Variants in CTNNA3 observed in about 807,000 individuals in gnomAD.
The protein encoded by CTNNA3 is catenin alpha-3.
A neutral mutation model predicts 95.7 loss-of-function variants in CTNNA3; 76 were observed. The observed-to-expected ratio is 0.79, with a 90% confidence interval of 0.66 to 0.96. CTNNA3 has a LOEUF of 0.96. Ranked by LOEUF, CTNNA3 falls within the 40% of genes least tolerant of loss-of-function variation. CTNNA3 has a pLI of 0.00. For missense variants in CTNNA3, 1,191 were observed against 1,089.8 expected (o/e 1.09, Z -1.31); for synonymous variants, 431 against 374.4 (o/e 1.15, Z -1.74).
rs149618316 is a variant in CTNNA3, at chr10:67,041,992, T to C, written c.1047+138325A>G. On this transcript the variant is annotated intron_variant, in intron 7 of 17. Coordinates refer to ENST00000433211, the MANE Select transcript of CTNNA3 (RefSeq NM_013266.4). ...GGGCATATATAGTAGTTTGATAAAA[T>C]TGAAGTAACCTTAAAGTACGTGTGA... Among the ~76,000 whole-genome samples the C allele has an allele frequency of 5.3e-3, 811 of 152,104 alleles. 7 individuals are homozygous for C. Among genetic ancestry groups the C allele is most frequent in the African/African-American group, 0.018 (756 of 41,502 alleles).
At chr10:66,343,537 C>T (rs1297168608) in intron 12 of CTNNA3, among the ~76,000 whole-genome samples, 5 of 151,758 alleles carry the variant, frequency 3.3e-5, no homozygotes, top group African/African-American at 9.7e-5. Context: ...AAGTTGATCT[C>T]ATAGAAGTAA....
chr10:66,705,582 G>A (rs1848089491), intron 9 of CTNNA3, among the ~76,000 whole-genome samples: 1 of 151,824 alleles, frequency 6.6e-6, no homozygotes, highest in Non-Finnish European at 1.5e-5. Context: ...CTAATATTTT[G>A]GTTTGAATGT....
At chr10:66,244,248 G>T (rs2090218820) in intron 13 of CTNNA3, among the ~76,000 whole-genome samples, 1 of 152,182 alleles carries the variant, frequency 6.6e-6, no homozygotes, top group Non-Finnish European at 1.5e-5. Context: ...TAGAACATCA[G>T]GTAGATTTCT....
chr10:66,092,070 C>T (rs1313333453), intron 14 of CTNNA3, among the ~76,000 whole-genome samples: 4 of 151,782 alleles, frequency 2.6e-5, no homozygotes, highest in African/African-American at 9.7e-5. Context: ...AGCCCATCTT[C>T]CCAGTTCTGA....
At chr10:66,270,565 G>C (rs771688997) in intron 13 of CTNNA3, among the ~76,000 whole-genome samples, 1 of 152,004 alleles carries the variant, frequency 6.6e-6, no homozygotes, top group Non-Finnish European at 1.5e-5. Context: ...TCTTTTGTGG[G>C]AACAAAGAAA....
intron 7 of CTNNA3, among the ~76,000 whole-genome samples, chr10:66,789,241 A>T (rs1361582128): frequency 6.6e-6 from 1 of 151,882 alleles, no homozygotes; most frequent in African/African-American, 2.4e-5. Flanking sequence ...CAGTGGTGCG[A>T]TCTCGGCTCA....
At chr10:66,817,786 A>T (rs1842146812) in intron 7 of CTNNA3, among the ~76,000 whole-genome samples, 1 of 152,044 alleles carries the variant, frequency 6.6e-6, no homozygotes, top group African/African-American at 2.4e-5. Flanking sequence ...AAAACTTCCA[A>T]CTTATTTCTT....
chr10:66,661,199 C>A (rs1846251741), intron 9 of CTNNA3, among the ~76,000 whole-genome samples: 3 of 152,152 alleles, frequency 2.0e-5, no homozygotes, highest in Non-Finnish European at 4.4e-5. Flanking sequence ...CATTTTCATA[C>A]TGCTGATAAA....
At chr10:66,046,170 AACC>A (rs2079823953) in intron 15 of CTNNA3, among the ~76,000 whole-genome samples, 1 of 152,106 alleles carries the variant, frequency 6.6e-6, no homozygotes, top group African/African-American at 2.4e-5. Flanking sequence ...GAGCAAGGAG[AACC>A]TCCCCCACCC....
chr10:66,968,194 A>G (rs912741097), intron 7 of CTNNA3, among the ~76,000 whole-genome samples: 2 of 152,044 alleles, frequency 1.3e-5, no homozygotes, highest in African/African-American at 4.8e-5. Flanking sequence ...CTCTACCATC[A>G]TCAAATAAGA....
At chr10:66,286,790 T>C (rs1312464300) in intron 12 of CTNNA3, among the ~76,000 whole-genome samples, 1 of 152,064 alleles carries the variant, frequency 6.6e-6, no homozygotes, top group Non-Finnish European at 1.5e-5. Flanking sequence ...ATCTTACCTC[T>C]ACAAACTTCA....
At chr10:66,740,323 AC>A (rs1486881946) in intron 9 of CTNNA3, among the ~76,000 whole-genome samples, 1 of 152,178 alleles carries the variant, frequency 6.6e-6, no homozygotes, top group Non-Finnish European at 1.5e-5. Flanking sequence ...TATAATAAAC[AC>A]AGAAGTCCCA....
chr10:66,659,402 G>A (rs1046700529), intron 9 of CTNNA3, among the ~76,000 whole-genome samples: 5 of 152,078 alleles, frequency 3.3e-5, no homozygotes, highest in Non-Finnish European at 7.4e-5. Context: ...AGGAGCTAAA[G>A]TTTTATTTAG....
intron 11 of CTNNA3, among the ~76,000 whole-genome samples, chr10:66,397,472 T>C (rs925786496): frequency 6.6e-6 from 1 of 151,862 alleles, no homozygotes; most frequent in Non-Finnish European, 1.5e-5. Context: ...ACTAATATTT[T>C]CTATTTAATT....
chr10:67,092,823 G>A (rs999813298), intron 7 of CTNNA3, among the ~76,000 whole-genome samples: 10 of 151,942 alleles, frequency 6.6e-5, no homozygotes, highest in African/African-American at 2.2e-4. Context: ...ATTACTGCTA[G>A]GGCAAATATC....
chr10:66,803,915 C>T (rs1350582260), intron 7 of CTNNA3, among the ~76,000 whole-genome samples: 1 of 151,058 alleles, frequency 6.6e-6, no homozygotes, highest in Non-Finnish European at 1.5e-5. Flanking sequence ...TTCATTATGA[C>T]ACTGATATAC....
Position 66,409,402 on chromosome 10 carries a change from CAAA to C in CTNNA3, c.1532-30053_1532-30051del, listed in dbSNP as rs71957917. Among the ~76,000 whole-genome samples, 472 of 138,424 alleles carry C rather than the reference CAAA, an allele frequency of 3.4e-3. 1 individual carries two copies. The highest frequency in any genetic ancestry group is 0.011 in the African/African-American group (453 of 39,614). The allele number at this position is 138,424 out of a possible 152,430, so 90.8% of individuals were successfully genotyped here. On this transcript the variant is annotated intron_variant, in intron 11 of 17. Transcript: ENST00000433211. ...CTACAGAGAATTTTCTAACTGTTCCCAAAAAAAAAAAATGTCTTTTTAAGAAGG... is the reference window on the plus strand; with the variant it reads ...CTACAGAGAATTTTCTAACTGTTCCCAAAAAAAAATGTCTTTTTAAGAAGG...
At chr10:67,528,102 G>T (rs1219778283) in intron 4 of CTNNA3, among the ~76,000 whole-genome samples, 2 of 151,992 alleles carry the variant, frequency 1.3e-5, no homozygotes, top group African/African-American at 4.8e-5. Context: ...TATTTAAAGG[G>T]CACTCATTTT....
At chr10:67,438,857 C>T (rs1440930404) in intron 5 of CTNNA3, among the ~76,000 whole-genome samples, 1 of 152,186 alleles carries the variant, frequency 6.6e-6, no homozygotes, top group Admixed American at 6.5e-5. Flanking sequence ...AAAAAGGGAA[C>T]ATTTGGACAA....
Sources: gnomAD v4.1 joint callset for allele counts (sites outside exome capture counted in the v4.1 genomes callset) on GRCh38, gnomAD v4.1.1 for gene constraint, MANE v1.5 for transcripts, NCBI Gene and HGNC (gene_info 2026-07-23, HGNC 2026-07-21) for gene names.